The following CIMIP2A variants were observed in gnomAD, a reference collection of about 807,000 sequenced individuals.
CIMIP2A encodes the protein ciliary microtubule inner protein 2A, also known as family with sequence similarity 166 member A.
At chr9:137,244,927 T>C in the CIMIP2A span, 1 of 1,599,054 alleles carries the variant, frequency 6.3e-7, no homozygotes, top group Non-Finnish European at 8.5e-7. Context: ...AAAGCTGGGC[T>C]CCTGGAAGCA....
chr9:137,251,921 C>A, the CIMIP2A span: 2 of 1,600,676 alleles, frequency 1.2e-6, no homozygotes, highest in Non-Finnish European at 1.7e-6. Context: ...GGCCACCCCA[C>A]CCCCAAGCTG....
the CIMIP2A span, chr9:137,244,078 G>T: frequency 6.3e-3 from 8,082 of 1,275,594 alleles, 131 homozygotes; most frequent in African/African-American, 0.041. Flanking sequence ...TCAGACAGGT[G>T]GTCCTGAACC....
At chr9:137,245,520 C>G in the CIMIP2A span, 1 of 1,613,736 alleles carries the variant, frequency 6.2e-7, no homozygotes. Context: ...AGGGTGGGAG[C>G]TGGCCCAGAA....
the CIMIP2A span, chr9:137,251,865 C>A: frequency 6.2e-7 from 1 of 1,608,164 alleles, no homozygotes; most frequent in Non-Finnish European, 8.5e-7. Flanking sequence ...GGAGTCCCTG[C>A]CCACCTACAC....
the CIMIP2A span, chr9:137,252,589 G>C: frequency 6.6e-7 from 1 of 1,511,274 alleles, no homozygotes; most frequent in Non-Finnish European, 8.9e-7. Context: ...GGTTCCAGTG[G>C]GGCCAAAGGG....
chr9:137,252,792 T>C, the CIMIP2A span: 1 of 1,563,074 alleles, frequency 6.4e-7, no homozygotes, highest in Non-Finnish European at 8.7e-7. Context: ...GCTAGGGGGC[T>C]GGGCCTCAGG....
chr9:137,251,958 C>T, the CIMIP2A span: 34 of 1,597,872 alleles, frequency 2.1e-5, no homozygotes, highest in Non-Finnish European at 2.4e-5. Flanking sequence ...GGGAGGGGCC[C>T]GCTGAAAGGA....
the CIMIP2A span, chr9:137,247,782 GTC>G: frequency 2.0e-6 from 3 of 1,506,104 alleles, no homozygotes; most frequent in Non-Finnish European, 2.7e-6. Context: ...CCTGAGGGGA[GTC>G]CTGTCACCGG....
the CIMIP2A span, chr9:137,244,073 C>T: frequency 3.2e-6 from 4 of 1,247,232 alleles, no homozygotes; most frequent in South Asian, 3.8e-5. Flanking sequence ...AATGGTCAGA[C>T]AGGTGGTCCT....
the CIMIP2A span, chr9:137,245,224 G>C: frequency 6.3e-7 from 1 of 1,579,932 alleles, no homozygotes; most frequent in Non-Finnish European, 8.6e-7. Context: ...TACAGCTGGA[G>C]CGGGGAGGAA....
chr9:137,247,601 G>A, the CIMIP2A span: 2 of 1,533,390 alleles, frequency 1.3e-6, no homozygotes, highest in Non-Finnish European at 1.8e-6. Context: ...TCAGGCCCCA[G>A]CCATTCTCCC....
the CIMIP2A span, among the ~76,000 whole-genome samples, chr9:137,254,559 A>C: frequency 3.5e-3 from 527 of 152,350 alleles, 2 homozygotes; most frequent in African/African-American, 0.012. Flanking sequence ...AGGAAGAGCA[A>C]GAGTTTGCTG....
chr9:137,251,943 G>T, the CIMIP2A span: 2 of 1,595,912 alleles, frequency 1.3e-6, no homozygotes, highest in East Asian at 2.3e-5. Context: ...TCTTTGGGGG[G>T]CTGTGGGAGG....
the CIMIP2A span, chr9:137,245,974 G>A: frequency 1.4e-6 from 1 of 730,794 alleles, no homozygotes; most frequent in Non-Finnish European, 2.1e-6. Flanking sequence ...TTGGCCTGTG[G>A]CAGCTCGCCT....
At chr9:137,243,655 C>G in the CIMIP2A span, 4 of 1,614,086 alleles carry the variant, frequency 2.5e-6, no homozygotes, top group African/African-American at 1.3e-5. Context: ...TTGCTGTTTT[C>G]CCTGTCCACA....
chr9:137,245,006 G>A, the CIMIP2A span: 2 of 1,609,440 alleles, frequency 1.2e-6, no homozygotes, highest in Non-Finnish European at 1.7e-6. Flanking sequence ...GGCCCCTGTG[G>A]CAGCCTCCTC....
chr9:137,254,032 C>T, the CIMIP2A span, among the ~76,000 whole-genome samples: 1 of 150,824 alleles, frequency 6.6e-6, no homozygotes, highest in Non-Finnish European at 1.5e-5. Flanking sequence ...CTTGTCATCA[C>T]TGGCCTGCCC....
At chr9:137,251,100 T>TC in the CIMIP2A span, 1 of 590,402 alleles carries the variant, frequency 1.7e-6, no homozygotes, top group Non-Finnish European at 3.0e-6. Context: ...AGGCTGGGGG[T>TC]CCTGGCCCAG....
At chr9:137,244,522 A>G in the CIMIP2A span, 1 of 1,516,426 alleles carries the variant, frequency 6.6e-7, no homozygotes, top group East Asian at 2.4e-5. Context: ...AGCCAGGCAG[A>G]GCCCCCTCCT....
Sources: gnomAD v4.1 joint callset for allele counts (sites outside exome capture counted in the v4.1 genomes callset) on GRCh38, gnomAD v4.1.1 for gene constraint, MANE v1.5 for transcripts, NCBI Gene and HGNC (gene_info 2026-07-23, HGNC 2026-07-21) for gene names.